Variants in RAB3IL1 observed in about 807,000 individuals in gnomAD.
RAB3IL1 encodes the protein guanine nucleotide exchange factor for Rab-3A.
Under a neutral mutation model 49.2 loss-of-function variants are expected in RAB3IL1, and 37 were observed. The observed-to-expected ratio is 0.75, with a 90% CI of 0.58 to 0.99. RAB3IL1 has a LOEUF of 0.99. RAB3IL1 is among the 50% of genes least tolerant of loss of function. The probability of loss-of-function intolerance (pLI) is 0.00; values close to 1 mark genes in which losing one functional copy is unlikely to be tolerated. For missense variants in RAB3IL1, 484 were observed against 513.0 expected, an observed-to-expected ratio of 0.94 and a Z score of 0.55; for synonymous variants, 193 against 213.9, an observed-to-expected ratio of 0.90 and a Z score of 0.85.
rs760797379 is a variant in RAB3IL1 at position 61,907,645 on chromosome 11, C to A, written c.280G>T (p.Asp94Tyr). Residue 94 changes from aspartate to tyrosine, a missense_variant, in exon 3 of 10, where the codon GAC becomes TAC. Transcript: ENST00000394836. ...TTGGACAGCCGCTCACATTCCTCGT[C>A]CTTTAGCTTCAGCTCCTGGAGGAAA... is the stretch of plus-strand genomic sequence containing the variant. ...HRAQKELKLKDEECERLSKVR... is the reference protein window; with the variant it reads ...HRAQKELKLKYEECERLSKVR... The A allele has an allele frequency of 5.2e-5, 84 of 1,613,948 alleles. No homozygotes were observed. The highest frequency in any genetic ancestry group is 3.3e-4 in the Middle Eastern group (2 of 6,080).
chr11:61,931,632 G>A, the RAB3IL1 span, among the ~76,000 whole-genome samples: 13 of 152,166 alleles, frequency 8.5e-5, 1 homozygote, highest in South Asian at 2.7e-3. Context: ...AGAAGAGGAG[G>A]TGAAGAGGAG....
At chr11:61,917,896 C>G (rs77030246), upstream of RAB3IL1, among the ~76,000 whole-genome samples, 124 of 152,192 alleles carry the variant, frequency 8.1e-4, 4 homozygotes, top group East Asian at 0.021. Context: ...CACCCTCCCC[C>G]CTCCTCACCC....
At chr11:61,905,421 G>C (rs879386135) in intron 5 of RAB3IL1, among the ~76,000 whole-genome samples, 4 of 152,122 alleles carry the variant, frequency 2.6e-5, no homozygotes, top group Non-Finnish European at 5.9e-5. Flanking sequence ...AGAGGGAGTG[G>C]AGGCAGGGGC....
the RAB3IL1 span, among the ~76,000 whole-genome samples, chr11:61,929,311 C>T: frequency 6.6e-6 from 1 of 152,038 alleles, no homozygotes; most frequent in Non-Finnish European, 1.5e-5. Context: ...TTGAGACCAG[C>T]CTGGGCAAAA....
rs1939261979 is a variant in RAB3IL1 at position 61,907,622 on chromosome 11, G to A, written c.303C>T (p.Ser101=). The A allele has an allele frequency of 6.2e-7, 1 of 1,613,950 alleles. No individual in the cohort carries two copies. Among genetic ancestry groups the A allele is most frequent in the Non-Finnish European group, 8.5e-7 (1 of 1,180,016 alleles). Residue 101 remains serine, a synonymous_variant, in exon 3 of 10, where the codon TCC becomes TCT. Coordinates refer to ENST00000394836, the MANE Select transcript of RAB3IL1 (RefSeq NM_013401.4). ...CCTGTTCTAGCTGCTCCCGCACCTT[G>A]GACAGCCGCTCACATTCCTCGTCCT... ...KLKDEECERL[S]KVREQLEQEL... is the part of the protein sequence containing the mutation.
chr11:61,920,808 A>G (rs956175356), upstream of RAB3IL1, among the ~76,000 whole-genome samples: 2 of 152,106 alleles, frequency 1.3e-5, no homozygotes, highest in African/African-American at 4.8e-5. Context: ...CTGTAATCTC[A>G]GCTACTCGGG....
chr11:61,907,875 G>A (rs560333211), intron 2 of RAB3IL1, among the ~76,000 whole-genome samples, 179 bp downstream of exon 2: 41 of 152,318 alleles, frequency 2.7e-4, no homozygotes, highest in Middle Eastern at 3.4e-3. Context: ...CTCAGGGCAC[G>A]TTTGCAGTCA....
At chr11:61,944,635 T>C in the RAB3IL1 span, among the ~76,000 whole-genome samples, 15 of 152,200 alleles carry the variant, frequency 9.9e-5, no homozygotes, top group African/African-American at 3.1e-4. Flanking sequence ...TTATTCACTT[T>C]TCTATCTGAA....
the RAB3IL1 span, among the ~76,000 whole-genome samples, chr11:61,945,093 G>A: frequency 1.5e-4 from 23 of 152,294 alleles, no homozygotes; most frequent in African/African-American, 5.3e-4. Context: ...ATCTGAGGCA[G>A]GGAAAGGCAG....
At chr11:61,905,914 G>A (rs1939160018) in intron 5 of RAB3IL1, among the ~76,000 whole-genome samples, 2 of 152,176 alleles carry the variant, frequency 1.3e-5, no homozygotes, top group Admixed American at 1.3e-4. Flanking sequence ...GACCATGAGT[G>A]TCAGCCCAGC....
chr11:61,906,364 G>T lies in RAB3IL1; in HGVS notation c.657+102C>A. The stretch of plus-strand genomic sequence containing the variant: ...CAGAGAGGCGCAGGACAGGCTCCAG[G>T]TCACACAGCATGGGGCAGGCTGGTC... On this transcript the variant is annotated intron_variant, in intron 5 of 9. Coordinates refer to ENST00000394836, the MANE Select transcript of RAB3IL1 (RefSeq NM_013401.4). This position sits in a 1 kb window ranked among gnomAD's most constrained non-coding sequence, Gnocchi z 4.6. The T allele has an allele frequency of 9.2e-7, 1 of 1,092,638 alleles. No individual in the cohort carries two copies. The highest frequency in any genetic ancestry group is 1.3e-6 in the Non-Finnish European group (1 of 746,900). The allele number at this position is 1,092,638 out of a possible 1,614,324, so 67.7% of individuals were successfully genotyped here.
At chr11:61,928,142 AGAG>A in the RAB3IL1 span, among the ~76,000 whole-genome samples, 1 of 151,782 alleles carries the variant, frequency 6.6e-6, no homozygotes, top group Non-Finnish European at 1.5e-5. Context: ...CTTGAAGCAG[AGAG>A]GAGCCTTCCT....
chr11:61,899,193 C>T (rs1056578725), intron 9 of RAB3IL1, 121 bp downstream of exon 9: 18 of 1,143,730 alleles, frequency 1.6e-5, no homozygotes, highest in Admixed American at 1.6e-4. Context: ...CAACCCTCCC[C>T]GCTCCCCAGC....
intron 1 of RAB3IL1, among the ~76,000 whole-genome samples, chr11:61,912,609 G>A (rs935324758): frequency 6.6e-6 from 1 of 152,226 alleles, no homozygotes; most frequent in African/African-American, 2.4e-5. Flanking sequence ...GAGGTTCAGA[G>A]AGGGATGGTG....
chr11:61,927,220 GC>G, the RAB3IL1 span, among the ~76,000 whole-genome samples: 140 of 151,460 alleles, frequency 9.2e-4, no homozygotes, highest in Middle Eastern at 0.01. Context: ...TGACATGCAT[GC>G]CCCCCCCTTA....
At chr11:61,924,226 C>G (rs1032471209), upstream of RAB3IL1, among the ~76,000 whole-genome samples, 6 of 152,296 alleles carry the variant, frequency 3.9e-5, no homozygotes, top group Admixed American at 3.3e-4. Flanking sequence ...AGCAGCCAGG[C>G]CTCCGGAAGC....
chr11:61,916,295 G>C (rs1939683261), intron 1 of RAB3IL1, among the ~76,000 whole-genome samples: 1 of 150,314 alleles, frequency 6.7e-6, no homozygotes, highest in African/African-American at 2.5e-5. Flanking sequence ...GCAGTGAGCT[G>C]AGATCTCGCC....
At chr11:61,924,687 G>T (rs1939967573), upstream of RAB3IL1, among the ~76,000 whole-genome samples, 1 of 152,210 alleles carries the variant, frequency 6.6e-6, no homozygotes, top group Non-Finnish European at 1.5e-5. Flanking sequence ...ATATTGTGGG[G>T]TGCTGATGGT....
At chr11:61,927,427 G>A in the RAB3IL1 span, among the ~76,000 whole-genome samples, 2 of 152,194 alleles carry the variant, frequency 1.3e-5, no homozygotes, top group African/African-American at 4.8e-5. Flanking sequence ...GATAGGGGAA[G>A]TGCAAAGTCG....
Sources: gnomAD v4.1 joint callset for allele counts (sites outside exome capture counted in the v4.1 genomes callset) on GRCh38, gnomAD v4.1.1 for gene constraint, Gnocchi (gnomAD v3.1) non-coding constraint, MANE v1.5 for transcripts, NCBI Gene and HGNC (gene_info 2026-07-23, HGNC 2026-07-21) for gene names.